SORBS2: variants seen among roughly 807,000 people sequenced by gnomAD.
SORBS2 encodes the protein sorbin and SH3 domain containing 2.
In SORBS2, 46 loss-of-function variants were observed where a neutral mutation model predicts 97.7. That is an observed-to-expected ratio of 0.47 (90% CI 0.37 to 0.60). SORBS2 has a LOEUF of 0.60. Ranked by LOEUF, SORBS2 falls within the 20% of genes least tolerant of loss-of-function variation. The pLI is 0.00. For synonymous variants in SORBS2, 476 were observed against 473.4 expected, an observed-to-expected ratio of 1.01 and a Z score of -0.07; for missense variants, 1,316 against 1,282.3, an observed-to-expected ratio of 1.03 and a Z score of -0.40.
At chr4:185,665,920 A>G in intron 4 of SORBS2, 1 of 1,210,034 alleles carries the variant, frequency 8.3e-7, no homozygotes, top group Non-Finnish European at 1.1e-6. Context: ...GTCTGTTGTC[A>G]GAGAGCCTGT....
intron 2 of SORBS2, among the ~76,000 whole-genome samples, chr4:185,709,304 C>CTTTTTTTTTTTTTTTTTTTTTTTTTTT (rs70962587): frequency 1.7e-4 from 16 of 96,764 alleles, no homozygotes; most frequent in African/African-American, 5.7e-4. Context: ...CTGGCCAAAT[C>CTTTTTTTTTTTTTTTTTTTTTTTTTTT]TTTTTTTTTT....
At chr4:185,628,193 G>A (rs573972802) in intron 5 of SORBS2, among the ~76,000 whole-genome samples, 4 of 152,144 alleles carry the variant, frequency 2.6e-5, no homozygotes, top group East Asian at 1.9e-4. Context: ...ATCTTTGAAC[G>A]TCAAAATTCT....
At chr4:185,724,071 T>C (rs2153563374) in intron 2 of SORBS2, among the ~76,000 whole-genome samples, 1 of 152,338 alleles carries the variant, frequency 6.6e-6, no homozygotes, top group Admixed American at 6.5e-5. Context: ...CAGCAGGAAG[T>C]GCTTTCAAGG....
rs2097851809 is a variant in SORBS2, at chr4:185,680,325, A to G, written c.-197-1503T>C. ...GGCCTGGCCCTTCTTCTAGGATTTGATGGAAGCAGAAATGATTGAAATTCT... is the reference window on the plus strand; with the variant it reads ...GGCCTGGCCCTTCTTCTAGGATTTGGTGGAAGCAGAAATGATTGAAATTCT... On this transcript the variant is annotated intron_variant, in intron 2 of 20. Transcript: ENST00000284776. Among the ~76,000 whole-genome samples the G allele has an allele frequency of 2.0e-5, 3 of 152,132 alleles. No individual in the cohort carries two copies. In the South Asian group the frequency reaches 6.2e-4, roughly 32 times the overall value.
rs555219835 is a variant in SORBS2, at chr4:185,947,969, G to A, written c.-338+8227C>T. Among the ~76,000 whole-genome samples, 5 of 152,302 alleles carry A rather than the reference G, an allele frequency of 3.3e-5. No individual in the cohort carries two copies. In the South Asian group the frequency reaches 6.2e-4, roughly 19 times the overall value. On this transcript the variant is annotated intron_variant, in intron 1 of 20. Transcript: ENST00000284776. The stretch of plus-strand genomic sequence containing the variant: ...TCAATTCATGTAATGTGCTTAGCAT[G>A]GAACCCGGCACTAAGGAAGTGCTAA...
intron 2 of SORBS2, among the ~76,000 whole-genome samples, chr4:185,697,029 C>T (rs867162205): frequency 5.3e-5 from 8 of 152,242 alleles, no homozygotes; most frequent in African/African-American, 1.9e-4. Context: ...CATGTATAGG[C>T]AAACTGAATA....
intron 1 of SORBS2, among the ~76,000 whole-genome samples, chr4:185,846,428 C>G (rs1309435488): frequency 1.3e-5 from 2 of 152,088 alleles, no homozygotes; most frequent in Non-Finnish European, 2.9e-5. Context: ...GCCAAGGACC[C>G]TTTTTGAAGA....
At chr4:185,803,418 A>C (rs1311666871) in intron 1 of SORBS2, among the ~76,000 whole-genome samples, 1 of 152,218 alleles carries the variant, frequency 6.6e-6, no homozygotes, top group Non-Finnish European at 1.5e-5. Flanking sequence ...ATATTATGCC[A>C]CATAATAATA....
intron 1 of SORBS2, among the ~76,000 whole-genome samples, chr4:185,880,114 A>G (rs762808874): frequency 6.6e-6 from 1 of 152,198 alleles, no homozygotes; most frequent in Non-Finnish European, 1.5e-5. Context: ...GGTTCTGTCT[A>G]GTTCTGCCTC....
At chr4:185,874,831 C>T (rs1243538304) in intron 1 of SORBS2, among the ~76,000 whole-genome samples, 3 of 109,714 alleles carry the variant, frequency 2.7e-5, no homozygotes, top group Middle Eastern at 0.011. Flanking sequence ...AAAGTTAAAG[C>T]ACTATTATTG....
intron 4 of SORBS2, chr4:185,665,778 A>G: frequency 9.2e-7 from 1 of 1,081,660 alleles, no homozygotes; most frequent in Non-Finnish European, 1.1e-6. Context: ...CTGTCACAGC[A>G]GACCTCTGAC....
At chr4:185,747,917 G>A in intron 2 of SORBS2, among the ~76,000 whole-genome samples, 1 of 152,086 alleles carries the variant, frequency 6.6e-6, no homozygotes, top group Non-Finnish European at 1.5e-5. Flanking sequence ...CTTGAACCCA[G>A]GAGGCGGAGG....
At chr4:185,790,891 T>C (rs945409828) in intron 1 of SORBS2, among the ~76,000 whole-genome samples, 1 of 152,208 alleles carries the variant, frequency 6.6e-6, no homozygotes, top group Non-Finnish European at 1.5e-5. Context: ...TGTTCCACAT[T>C]GTGTCAATGG....
At chr4:185,835,125 C>T (rs534778586) in intron 1 of SORBS2, among the ~76,000 whole-genome samples, 53 of 152,282 alleles carry the variant, frequency 3.5e-4, no homozygotes, top group Non-Finnish European at 6.5e-4. Flanking sequence ...CTTTGCCTTC[C>T]GCCATGAGTA....
intron 1 of SORBS2, among the ~76,000 whole-genome samples, chr4:185,872,117 C>T (rs1403982084): frequency 6.6e-6 from 1 of 152,170 alleles, no homozygotes; most frequent in Non-Finnish European, 1.5e-5. Flanking sequence ...TCATCATGCT[C>T]TAGCCTCATT....
intron 1 of SORBS2, among the ~76,000 whole-genome samples, chr4:185,877,867 C>CA (rs1491116547): frequency 0.084 from 4,236 of 50,206 alleles, 298 homozygotes; most frequent in African/African-American, 0.2. Flanking sequence ...GAGACTCTGT[C>CA]AAAAAACAAA....
intron 1 of SORBS2, among the ~76,000 whole-genome samples, chr4:185,877,883 A>AAAAAAAAAAAAAAAAAAAAAG (rs1344109012): frequency 1.4e-5 from 2 of 145,280 alleles, no homozygotes; most frequent in Non-Finnish European, 1.5e-5. Context: ...ACAAAAAAAA[A>AAAAAAAAAAAAAAAAAAAAAG]AAAGAAAGAA....
chr4:185,684,121 C>A lies in SORBS2; in HGVS notation c.-197-5299G>T, dbSNP rs137960692. 6.6e-6 allele frequency among the ~76,000 whole-genome samples: 1 copy of A among 152,244 alleles called. No individual in the cohort carries two copies. The highest frequency in any genetic ancestry group is 1.9e-4 in the East Asian group (1 of 5,180). On this transcript the variant is annotated intron_variant, in intron 2 of 20. Transcript: ENST00000284776. The surrounding 1 kb of genome is among the most constrained non-coding windows in gnomAD (Gnocchi z 4.2). ...TCCCTTTGACCTTCTAACAGCTGCACCCCCTCCCAGTGCAGACTGTGCCTT... is the reference window on the plus strand; with the variant it reads ...TCCCTTTGACCTTCTAACAGCTGCAACCCCTCCCAGTGCAGACTGTGCCTT...
intron 2 of SORBS2, among the ~76,000 whole-genome samples, chr4:185,727,320 A>G (rs1227239716): frequency 1.3e-5 from 2 of 152,198 alleles, no homozygotes; most frequent in African/African-American, 4.8e-5. Context: ...AGCTAACCAG[A>G]TAGGTGCAGT....
Sources: allele counts gnomAD v4.1 joint callset (sites outside exome capture counted in the v4.1 genomes callset), GRCh38; gene constraint gnomAD v4.1.1; non-coding constraint Gnocchi (gnomAD v3.1); transcripts MANE v1.5; gene names NCBI Gene and HGNC (gene_info 2026-07-23, HGNC 2026-07-21).